Variants in LIPC observed in about 807,000 individuals in gnomAD.
LIPC encodes the protein hepatic triacylglycerol lipase.
In LIPC, 44 loss-of-function variants were observed where a neutral mutation model predicts 50.7. That is an observed-to-expected ratio of 0.87 (90% confidence interval 0.68 to 1.11). The LOEUF is 1.11. LIPC is among the 50% of genes most tolerant of loss of function. The pLI is 0.00. For missense variants in LIPC, 697 were observed against 648.2 expected, an observed-to-expected ratio of 1.08 and a Z score of -0.82; for synonymous variants, 271 against 256.4, an observed-to-expected ratio of 1.06 and a Z score of -0.54.
chr15:58,459,762 G>A (rs575992454), intron 1 of LIPC, among the ~76,000 whole-genome samples: 52 of 152,234 alleles, frequency 3.4e-4, no homozygotes, highest in African/African-American at 4.3e-4. Flanking sequence ...CCCCAAGGAC[G>A]CCTGCACGGG....
At chr15:58,560,830 ATC>A (rs762115861) in intron 6 of LIPC, 32 bp from the exon 7 acceptor site, 5 of 861,992 alleles carry the variant, frequency 5.8e-6, no homozygotes, top group African/African-American at 4.9e-5. Flanking sequence ...TGCTTAAATT[ATC>A]TCTCTCTTTC....
intron 8 of LIPC, among the ~76,000 whole-genome samples, chr15:58,564,744 T>A (rs1464246995): frequency 6.6e-6 from 1 of 151,672 alleles, no homozygotes; most frequent in Non-Finnish European, 1.5e-5. Context: ...ATAATAATAA[T>A]AATAGAAAAG....
chr15:58,548,508 C>T lies in LIPC; in HGVS notation c.987C>T (p.Arg329=), dbSNP rs774946442. The T allele has an allele frequency of 6.2e-7, 1 of 1,604,490 alleles. No homozygotes were observed. Among genetic ancestry groups the T allele is most frequent in the South Asian group, 1.1e-5 (1 of 89,964 alleles). The change falls in exon 6 of 9, where the codon CGC becomes CGT. Residue 329 remains arginine (R), a synonymous_variant. Transcript: ENST00000299022. ...GCAACACGCTGGGCTACCACGTCCG[C>T]CAGGAGCCGCGGAGCAAGAGCAAGA... ...GRCNTLGYHV[R]QEPRSKSKRL...
chr15:58,520,605 C>T (rs990417020), intron 1 of LIPC, among the ~76,000 whole-genome samples: 6 of 152,120 alleles, frequency 3.9e-5, no homozygotes, highest in Non-Finnish European at 8.8e-5. Flanking sequence ...GACTATCAGT[C>T]CCAGAAACGC....
At position 58,561,734 on chromosome 15, in the gene LIPC, A is replaced by G. The variant is rs569435499; in HGVS notation, c.1169+753A>G. Among the ~76,000 whole-genome samples, 5 of 152,292 alleles carry G rather than the reference A, an allele frequency of 3.3e-5. No individual in the cohort carries two copies. In the East Asian group the frequency reaches 5.8e-4, roughly 18 times the overall value. ...GGCCTGCTGTCTGTCATGTGATGCT[A>G]TACTAGAGTCAGGCTGGAATTTGGT... On this transcript the variant is annotated intron_variant, in intron 7 of 8. Coordinates refer to ENST00000299022, the MANE Select transcript of LIPC (RefSeq NM_000236.3).
At chr15:58,452,551 A>C (rs1030027643) in intron 1 of LIPC, among the ~76,000 whole-genome samples, 1 of 152,218 alleles carries the variant, frequency 6.6e-6, no homozygotes, top group African/African-American at 2.4e-5. Flanking sequence ...ACTTTTGGTC[A>C]GTTCGATTAT....
In LIPC at chr15:58,545,961, A is replaced by G. The variant is rs577907068; in HGVS notation, c.794A>G (p.Gln265Arg). 27 of 1,613,696 alleles carry G rather than the reference A, an allele frequency of 1.7e-5. No homozygotes were observed. In the African/African-American group the frequency reaches 3.3e-4, roughly 20 times the overall value. ...CTAGAGCTCTACAGACATATTGCCC[A>G]GCACGGCTTCAATGGTGAGAATGAA... ...HFLELYRHIA[Q>R]HGFNAITQTI... Residue 265 changes from glutamine (Q) to arginine (R), a missense_variant, in exon 5 of 9, where the codon CAG becomes CGG. Transcript: ENST00000299022.
chr15:58,560,862 A>T lies in LIPC; in HGVS notation c.1052-2A>T. 1.0e-6 allele frequency: 1 copy of T among 973,456 alleles called. No homozygotes were observed. Among genetic ancestry groups the T allele is most frequent in the Non-Finnish European group, 1.7e-6 (1 of 593,278 alleles). 60.3% of individuals were successfully genotyped at this position (973,456 alleles called of 1,614,324 possible). ...TCTTTCTCTCTCTGTCTCTCTCTCT[A>T]GTTTATCATTACCAGTTCAAGATCC... On this transcript the variant is annotated splice_acceptor_variant, in intron 6 of 8. Coordinates refer to ENST00000299022, the MANE Select transcript of LIPC (RefSeq NM_000236.3). LOFTEE classifies it high-confidence loss of function.
intron 1 of LIPC, among the ~76,000 whole-genome samples, chr15:58,433,267 G>A (rs1007415392): frequency 1.2e-4 from 18 of 152,130 alleles, no homozygotes; most frequent in African/African-American, 2.7e-4. Context: ...CCTTTGCCCC[G>A]GAATGTTGTA....
chr15:58,457,499 C>T (rs536629869), intron 1 of LIPC, among the ~76,000 whole-genome samples: 3 of 152,220 alleles, frequency 2.0e-5, no homozygotes, highest in African/African-American at 4.8e-5. Context: ...CCACTTGGCT[C>T]CTTCAGGGCA....
chr15:58,494,862 T>C (rs1417782605), intron 1 of LIPC: 1 of 456,118 alleles, frequency 2.2e-6, no homozygotes, highest in Non-Finnish European at 4.4e-6. Context: ...TTCATCTGAT[T>C]TCCTTAGCAA....
intron 1 of LIPC, among the ~76,000 whole-genome samples, chr15:58,498,449 T>C (rs902262909): frequency 6.6e-6 from 1 of 151,924 alleles, no homozygotes; most frequent in Non-Finnish European, 1.5e-5. Context: ...TATCTTGAGG[T>C]GGGTGATGAA....
chr15:58,445,298 G>C (rs1215462858), intron 1 of LIPC, among the ~76,000 whole-genome samples: 1 of 152,240 alleles, frequency 6.6e-6, no homozygotes, highest in Non-Finnish European at 1.5e-5. Flanking sequence ...GCATGGGTGT[G>C]CTCAGTGTGG....
At chr15:58,497,667 G>A (rs1335695855) in intron 1 of LIPC, 1 of 152,432 alleles carries the variant, frequency 6.6e-6, no homozygotes, top group African/African-American at 2.4e-5. Flanking sequence ...GCCTTTCCCA[G>A]GCTCCAGGTC....
chr15:58,510,146 G>A lies in LIPC; in HGVS notation c.89-28187G>A, dbSNP rs2140855726. On this transcript the variant is annotated intron_variant, in intron 1 of 8. Coordinates refer to ENST00000299022, the MANE Select transcript of LIPC (RefSeq NM_000236.3). The stretch of plus-strand genomic sequence containing the variant: ...TGGTGCTAGGTACTGGGCATAGGGT[G>A]GAAGACACAATAGACAAGGACACAG... Among the ~76,000 whole-genome samples the A allele has an allele frequency of 2.0e-5, 3 of 152,272 alleles. No homozygotes were observed. In the East Asian group the frequency reaches 5.8e-4, roughly 29 times the overall value.
chr15:58,464,013 C>T (rs62001835), intron 1 of LIPC, among the ~76,000 whole-genome samples: 2,276 of 152,076 alleles, frequency 0.015, 29 homozygotes, highest in Non-Finnish European at 0.025. Context: ...GTAAATAGAA[C>T]AGTAGAGAAA....
chr15:58,545,668 C>T, intron 4 of LIPC, 74 bp from the exon 5 acceptor site: 1 of 1,267,718 alleles, frequency 7.9e-7, no homozygotes, highest in Middle Eastern at 1.9e-4. Flanking sequence ...ATAATAATAT[C>T]CAAAAGCTAA....
At chr15:58,513,130 C>T (rs532256247) in intron 1 of LIPC, among the ~76,000 whole-genome samples, 1 of 152,130 alleles carries the variant, frequency 6.6e-6, no homozygotes, top group Non-Finnish European at 1.5e-5. Flanking sequence ...CCCTAGGTTC[C>T]GCTCAGCACA....
At chr15:58,463,335 C>T (rs1343826053) in intron 1 of LIPC, among the ~76,000 whole-genome samples, 1 of 152,200 alleles carries the variant, frequency 6.6e-6, no homozygotes, top group Non-Finnish European at 1.5e-5. Flanking sequence ...TCTGGGGCCT[C>T]GGGAAAAGGG....
Sources: gnomAD v4.1 joint callset for allele counts (sites outside exome capture counted in the v4.1 genomes callset) on GRCh38, gnomAD v4.1.1 for gene constraint, MANE v1.5 for transcripts, NCBI Gene and HGNC (gene_info 2026-07-23, HGNC 2026-07-21) for gene names.